Variants in TYK2 observed in about 807,000 individuals in gnomAD.
TYK2 encodes tyrosine kinase 2.
A neutral mutation model predicts 130.9 loss-of-function variants in TYK2; 65 were observed. The observed-to-expected ratio is 0.50, with a 90% confidence interval of 0.41 to 0.61. The LOEUF (loss-of-function observed/expected upper bound fraction) is 0.61, where lower values mean the gene tolerates loss of function less well. Ranked by LOEUF, TYK2 falls within the 20% of genes least tolerant of loss-of-function variation. The pLI, the probability that TYK2 is intolerant of heterozygous loss-of-function variation, is 0.00. For synonymous variants in TYK2, 647 were observed against 658.9 expected, an observed-to-expected ratio of 0.98 and a Z score of 0.28; for missense variants, 1,378 against 1,610.7, an observed-to-expected ratio of 0.86 and a Z score of 2.47.
Position 10,353,886 on chromosome 19 carries a change from G to A in TYK2, c.2908+156C>T. ...GCACCCCCCAGATGGGAAGGAGGCA[G>A]CCCAGCCACGCTCACCCAGATGCCA... On this transcript the variant is annotated intron_variant, in intron 20 of 24. Transcript: ENST00000525621. The surrounding 1 kb of genome is among the most constrained non-coding windows in gnomAD (Gnocchi z 6.9). 1.2e-6 allele frequency: 1 copy of A among 852,312 alleles called. No homozygotes were observed. Among genetic ancestry groups the A allele is most frequent in the Non-Finnish European group, 1.9e-6 (1 of 539,750 alleles). The allele number at this position is 852,312 out of a possible 1,614,324, so 52.8% of individuals were successfully genotyped here.
intron 17 of TYK2, chr19:10,357,546 T>G: frequency 1.4e-6 from 1 of 732,150 alleles, no homozygotes; most frequent in South Asian, 1.5e-5. Flanking sequence ...ATCAAGTCTC[T>G]TACTTGCCTT....
In TYK2 at chr19:10,354,192, T is replaced by C; in HGVS notation, c.2758A>G (p.Asn920Asp). The change falls in exon 20 of 25, where the codon AAC becomes GAC. Residue 920 changes from asparagine (N) to aspartate (D), a missense_variant. Physicochemically the swap from Asn to Asp is conservative, Grantham distance 23. Coordinates refer to ENST00000525621, the MANE Select transcript of TYK2 (RefSeq NM_003331.5). ...KVSLYCYDPTNDGTGEMVAVK... is the reference protein window; with the variant it reads ...KVSLYCYDPTDDGTGEMVAVK... ...GCCACCATCTCGCCAGTGCCGTCGT[T>C]GGTCGGATCGTAGCAGTACAAGCTG... The C allele has an allele frequency of 1.2e-6, 2 of 1,613,694 alleles. No homozygotes were observed. Among genetic ancestry groups the C allele is most frequent in the Non-Finnish European group, 8.5e-7 (1 of 1,180,022 alleles).
chr19:10,359,050 G>C, intron 15 of TYK2, 125 bp downstream of exon 15: 1 of 1,342,042 alleles, frequency 7.5e-7, no homozygotes, highest in Admixed American at 2.0e-5. Flanking sequence ...GTGACAGGGC[G>C]AAACTCCACC....
intron 15 of TYK2, among the ~76,000 whole-genome samples, chr19:10,358,926 G>A (rs138688430): frequency 3.3e-5 from 5 of 152,164 alleles, no homozygotes; most frequent in African/African-American, 1.2e-4. Flanking sequence ...AGCTGGGCGT[G>A]ATGGCAGGAG....
At chr19:10,377,746 A>G (rs1239477958) in intron 3 of TYK2, among the ~76,000 whole-genome samples, 6 of 29,410 alleles carry the variant, frequency 2.0e-4, no homozygotes, top group East Asian at 9.6e-4. Flanking sequence ...GGGTGGGTGG[A>G]TAGGTGGGTG....
At position 10,354,113 on chromosome 19, in the gene TYK2, T is replaced by C; in HGVS notation, c.2837A>G (p.Gln946Arg). ...CGPQHRSGWK[Q>R]EIDILRTLYH... ...GAGCGTGCGCAGAATGTCAATCTCCTGCTTCCAGCCCGAGCGGTGCTGGGG... is the reference window on the plus strand; with the variant it reads ...GAGCGTGCGCAGAATGTCAATCTCCCGCTTCCAGCCCGAGCGGTGCTGGGG... Residue 946 changes from glutamine (Q) to arginine (R), a missense_variant, in exon 20 of 25, where the codon CAG becomes CGG. By Grantham distance (43) the Gln-to-Arg change is conservative. Coordinates refer to ENST00000525621, the MANE Select transcript of TYK2 (RefSeq NM_003331.5). 1 of 1,614,122 alleles carries C rather than the reference T, an allele frequency of 6.2e-7. No individual in the cohort carries two copies. Among genetic ancestry groups the C allele is most frequent in the Non-Finnish European group, 8.5e-7 (1 of 1,180,032 alleles).
At chr19:10,352,869 A>G in intron 22 of TYK2, 57 bp downstream of exon 22, 1 of 1,532,018 alleles carries the variant, frequency 6.5e-7, no homozygotes, top group Non-Finnish European at 8.8e-7. Flanking sequence ...CGTCTACTCC[A>G]CCCTGCCTGT....
Position 10,364,038 on chromosome 19 carries a change from C to A in TYK2, c.1367+576G>T, listed in dbSNP as rs1374302952. On this transcript the variant is annotated intron_variant, in intron 9 of 24. Transcript: ENST00000525621. This position sits in a 1 kb window ranked among gnomAD's most constrained non-coding sequence, Gnocchi z 4.9. ...GACATAAGTACCGACAACTTCACGC[C>A]CTCAGGCCCACAAGTCACACACAGG... 6.6e-6 allele frequency among the ~76,000 whole-genome samples: 1 copy of A among 152,208 alleles called. No individual in the cohort carries two copies. The highest frequency in any genetic ancestry group is 1.5e-5 in the Non-Finnish European group (1 of 68,044).
rs894692852 is a variant in TYK2, at chr19:10,352,443, G to A, written c.3309C>T (p.Ser1103=). The A allele has an allele frequency of 1.2e-6, 2 of 1,607,838 alleles. No individual in the cohort carries two copies. The highest frequency in any genetic ancestry group is 1.1e-5 in the South Asian group (1 of 90,702). Residue 1103 remains serine, a synonymous_variant, in exon 23 of 25, where the codon AGC becomes AGT. Transcript: ENST00000525621. ...CGGGCCTGGCTCTCACCGTGGGGGG[G>A]CTCTGGCTGGAGTCACAGTGCGTCA... ...ELLTHCDSSQ[S]PPTKFLELIG...
chr19:10,356,950 C>T, intron 17 of TYK2: 2 of 579,808 alleles, frequency 3.4e-6, no homozygotes, highest in Non-Finnish European at 6.2e-6. Flanking sequence ...TCACAGTCAG[C>T]CTCCTGCCCC....
Position 10,353,149 on chromosome 19 carries a change from G to T in TYK2, c.3028-51C>A. ...TTTCAGTGGGGCGGGGTTCGGCCGG[G>T]GGCGGCGGCAGGACCTGAGCAGCCA... On this transcript the variant is annotated intron_variant, in intron 21 of 24. Transcript: ENST00000525621. This position sits in a 1 kb window ranked among gnomAD's most constrained non-coding sequence, Gnocchi z 6.9. The T allele has an allele frequency of 1.4e-6, 2 of 1,434,080 alleles. No individual in the cohort carries two copies. The highest frequency in any genetic ancestry group is 2.5e-5 in the East Asian group (1 of 39,726). 88.8% of individuals were successfully genotyped at this position (1,434,080 alleles called of 1,614,324 possible). A position where few individuals can be genotyped will look rare whatever the true frequency, so the allele number is the denominator to read the frequency against.
At chr19:10,352,572 A>C in intron 22 of TYK2, 21 bp from the exon 23 acceptor site, 13 of 1,148,504 alleles carry the variant, frequency 1.1e-5, no homozygotes, top group Non-Finnish European at 1.6e-5. Flanking sequence ...GGGGGCACTC[A>C]GGCCACGGGG....
At position 10,353,752 on chromosome 19, in the gene TYK2, G is replaced by T; in HGVS notation, c.2909-106C>A. 1 of 840,044 alleles carries T rather than the reference G, an allele frequency of 1.2e-6. No homozygotes were observed. The highest frequency in any genetic ancestry group is 1.8e-6 in the Non-Finnish European group (1 of 553,456). The allele number at this position is 840,044 out of a possible 1,614,324, so 52.0% of individuals were successfully genotyped here. The stretch of plus-strand genomic sequence containing the variant: ...CTCCAAGGTCGGGAGGGAAGGCCAA[G>T]ACCCGCGCACACTAGACCCAGTTCT... On this transcript the variant is annotated intron_variant, in intron 20 of 24. Transcript: ENST00000525621. This position sits in a 1 kb window ranked among gnomAD's most constrained non-coding sequence, Gnocchi z 6.9.
intron 2 of TYK2, among the ~76,000 whole-genome samples, chr19:10,379,347 A>C (rs951729312): frequency 1.3e-5 from 2 of 150,202 alleles, no homozygotes; most frequent in African/African-American, 2.4e-5. Context: ...TAAATAAATA[A>C]ATAAATAAAT....
Position 10,352,316 on chromosome 19 carries a change from C to T in TYK2, c.3318+118G>A. On this transcript the variant is annotated intron_variant, in intron 23 of 24. Coordinates refer to ENST00000525621, the MANE Select transcript of TYK2 (RefSeq NM_003331.5). Reference sequence around the variant, plus strand: ...CTCGATCTCCTGACCTCGTGATCCGCCCGCCTCGGCCTCCCAAAGTGCTGG... The same window carrying T: ...CTCGATCTCCTGACCTCGTGATCCGTCCGCCTCGGCCTCCCAAAGTGCTGG... 4.0e-6 allele frequency: 3 copies of T among 756,004 alleles called. No homozygotes were observed. The Admixed American group carries it at 5.6e-5, about 14-fold the overall frequency. The allele number at this position is 756,004 out of a possible 1,614,324, so 46.8% of individuals were successfully genotyped here. A position where few individuals can be genotyped will look rare whatever the true frequency, so the allele number is the denominator to read the frequency against.
rs773859320 is a variant in TYK2 at position 10,361,908 on chromosome 19, G to C, written c.1821C>G (p.Arg607=). 4.8e-5 allele frequency: 77 copies of C among 1,613,952 alleles called. No homozygotes were observed. The highest frequency in any genetic ancestry group is 6.2e-5 in the Non-Finnish European group (73 of 1,180,012). ...GGTCCCCGCTGCCCTCCACTCGCAG[G>C]CGGCCCTCATACACGTTGGTCCTTG... is the stretch of plus-strand genomic sequence containing the variant. ...QGTRTNVYEG[R]LRVEGSGDPE... The change falls in exon 13 of 25, where the codon CGC becomes CGG. Residue 607 remains arginine (R), a synonymous_variant. Coordinates refer to ENST00000525621, the MANE Select transcript of TYK2 (RefSeq NM_003331.5). The surrounding 1 kb of genome is among the most constrained non-coding windows in gnomAD (Gnocchi z 4.0).
At chr19:10,367,123 C>T (rs1197298897) in intron 5 of TYK2, among the ~76,000 whole-genome samples, 1 of 152,058 alleles carries the variant, frequency 6.6e-6, no homozygotes. Context: ...TCATTCAAAG[C>T]TGTCCTGGGC....
Position 10,361,743 on chromosome 19 carries a change from C to G in TYK2, c.1959+27G>C, listed in dbSNP as rs749964610. The G allele has an allele frequency of 2.5e-6, 4 of 1,610,668 alleles. No homozygotes were observed. Among genetic ancestry groups the G allele is most frequent in the Non-Finnish European group, 3.4e-6 (4 of 1,179,442 alleles). ...TCCGGCCACCTCCTCCACAGACACA[C>G]CCCCAGGCCTGGCCCTGCCCACTCA... On this transcript the variant is annotated intron_variant, in intron 13 of 24. Transcript: ENST00000525621. The surrounding 1 kb of genome is among the most constrained non-coding windows in gnomAD (Gnocchi z 4.0).
At chr19:10,360,421 C>T (rs280517) in intron 14 of TYK2, among the ~76,000 whole-genome samples, 2,839 of 152,086 alleles carry the variant, frequency 0.019, 88 homozygotes, top group African/African-American at 0.065. Context: ...CGCTTGAGCC[C>T]GGGAGGTCGA....
Sources: gnomAD v4.1 joint callset for allele counts (sites outside exome capture counted in the v4.1 genomes callset) on GRCh38, gnomAD v4.1.1 for gene constraint, Gnocchi (gnomAD v3.1) non-coding constraint, MANE v1.5 for transcripts, NCBI Gene and HGNC (gene_info 2026-07-23, HGNC 2026-07-21) for gene names.